The following MAP1B variants were observed in gnomAD, a reference collection of about 807,000 sequenced individuals.
The protein encoded by MAP1B is microtubule associated protein 1B, also known as microtubule-associated protein 1B.
Under a neutral mutation model 176.1 loss-of-function variants are expected in MAP1B, and 12 were observed. The observed-to-expected ratio is 0.07, with a 90% CI of 0.04 to 0.11. The LOEUF is 0.11. MAP1B is among the 10% of genes least tolerant of loss of function. MAP1B has a pLI of 1.00. For missense variants in MAP1B, 2,523 were observed against 2,990.5 expected, an observed-to-expected ratio of 0.84 and a Z score of 3.65; for synonymous variants, 1,044 against 1,135.0, an observed-to-expected ratio of 0.92 and a Z score of 1.61.
chr5:72,162,318 C>T (rs1243267681), intron 2 of MAP1B, among the ~76,000 whole-genome samples: 1 of 152,092 alleles, frequency 6.6e-6, no homozygotes, highest in Non-Finnish European at 1.5e-5. Context: ...AATTGAAAGA[C>T]CTTTTCATTC....
At chr5:72,136,962 C>T (rs543336518) in intron 2 of MAP1B, among the ~76,000 whole-genome samples, 3 of 152,156 alleles carry the variant, frequency 2.0e-5, no homozygotes, top group Non-Finnish European at 4.4e-5. Flanking sequence ...CAGGGAGATT[C>T]TGATTTCTGC....
At chr5:72,154,952 G>A (rs1025786687) in intron 2 of MAP1B, among the ~76,000 whole-genome samples, 1 of 152,134 alleles carries the variant, frequency 6.6e-6, no homozygotes, top group Non-Finnish European at 1.5e-5. Context: ...TCATTAGGGT[G>A]CCCCAGAAGC....
rs1747178918 is a variant in MAP1B, at chr5:72,196,684, C to T, written c.3329C>T (p.Pro1110Leu). 6.2e-7 allele frequency: 1 copy of T among 1,613,912 alleles called. No homozygotes were observed. The highest frequency in any genetic ancestry group is 1.7e-5 in the Admixed American group (1 of 59,994). The change falls in exon 5 of 7, where the codon CCT becomes CTT. Residue 1110 changes from proline (P) to leucine (L), a missense_variant. Pro to Leu is a moderately conservative substitution (Grantham distance 98). Coordinates refer to ENST00000296755, the MANE Select transcript of MAP1B (RefSeq NM_005909.5). This position sits in a 1 kb window ranked among gnomAD's most constrained non-coding sequence, Gnocchi z 5.3. ...GATGAGGAGAATCGAGAAGACCAGC[C>T]TGAGGAATTCACTGCCACCTCTGGC... ...ASDEENREDQ[P>L]EEFTATSGYT...
Position 72,207,010 on chromosome 5 carries a change from G to A in MAP1B, c.*1771G>A, listed in dbSNP as rs1005354154. ...AGAACCCTAGCACAAATTTGCTTTG[G>A]GATTTTCTTTTCTGGAAAAAAAAAA... On this transcript the variant is annotated 3_prime_UTR_variant, in exon 7 of 7. Coordinates refer to ENST00000296755, the MANE Select transcript of MAP1B (RefSeq NM_005909.5). The A allele has an allele frequency of 2.6e-5, 4 of 151,690 alleles. No homozygotes were observed. The highest frequency in any genetic ancestry group is 9.7e-5 in the African/African-American group (4 of 41,278). The allele number at this position is 151,690 out of a possible 1,614,324, so 9.4% of individuals were successfully genotyped here.
chr5:72,163,933 T>C (rs1402959860), intron 2 of MAP1B, among the ~76,000 whole-genome samples: 1 of 117,936 alleles, frequency 8.5e-6, no homozygotes, highest in African/African-American at 4.1e-5. Flanking sequence ...TTTTTTTCTT[T>C]TTTTTTTTTT....
chr5:72,112,634 C>T (rs1745363886), intron 1 of MAP1B, among the ~76,000 whole-genome samples: 1 of 152,164 alleles, frequency 6.6e-6, no homozygotes, highest in South Asian at 2.1e-4. Flanking sequence ...GCTCCCTGGT[C>T]CCAAGGAGCT....
At chr5:72,110,791 G>A (rs1423254311) in intron 1 of MAP1B, among the ~76,000 whole-genome samples, 1 of 152,210 alleles carries the variant, frequency 6.6e-6, no homozygotes, top group African/African-American at 2.4e-5. Context: ...TCCGATTACT[G>A]AGGGCTCTCT....
chr5:72,169,075 G>T (rs563388341), intron 2 of MAP1B, among the ~76,000 whole-genome samples: 1 of 152,166 alleles, frequency 6.6e-6, no homozygotes, highest in East Asian at 1.9e-4. Flanking sequence ...TGGTTTGGGG[G>T]CATACTGTGG....
chr5:72,119,941 A>C (rs1404735787), intron 2 of MAP1B, among the ~76,000 whole-genome samples: 1 of 152,190 alleles, frequency 6.6e-6, no homozygotes, highest in African/African-American at 2.4e-5. Flanking sequence ...GTCTGACCAC[A>C]AAAGCAAAGC....
chr5:72,162,810 G>T (rs1486123850), intron 2 of MAP1B, among the ~76,000 whole-genome samples: 3 of 152,178 alleles, frequency 2.0e-5, no homozygotes, highest in African/African-American at 7.2e-5. Context: ...ATTAATTCCA[G>T]CACAGTGAGT....
At position 72,196,564 on chromosome 5, in the gene MAP1B, A is replaced by G. The variant is rs1404692080; in HGVS notation, c.3209A>G (p.Lys1070Arg). 6.2e-7 allele frequency: 1 copy of G among 1,613,706 alleles called. No homozygotes were observed. Among genetic ancestry groups the G allele is most frequent in the Non-Finnish European group, 8.5e-7 (1 of 1,180,042 alleles). ...TATGGATTCCTCACCACACCAACCAAGCAACTAGGAGCCCAGTCTCCTGGC... is the reference window on the plus strand; with the variant it reads ...TATGGATTCCTCACCACACCAACCAGGCAACTAGGAGCCCAGTCTCCTGGC... ...EQYGFLTTPT[K>R]QLGAQSPGRE... Residue 1070 changes from lysine to arginine, a missense_variant, in exon 5 of 7, where the codon AAG (lysine) becomes AGG (arginine). Coordinates refer to ENST00000296755, the MANE Select transcript of MAP1B (RefSeq NM_005909.5). The surrounding 1 kb of genome is among the most constrained non-coding windows in gnomAD (Gnocchi z 5.3).
Position 72,197,845 on chromosome 5 carries a change from TAGG to T in MAP1B, c.4493_4495del (p.Gly1498del), listed in dbSNP as rs747859411. The T allele has an allele frequency of 3.1e-6, 5 of 1,614,088 alleles. No individual in the cohort carries two copies. Among genetic ancestry groups the T allele is most frequent in the Admixed American group, 1.7e-5 (1 of 60,004 alleles). ...GCACTGGCTCTGGATGAAAGGAAAT[TAGG>T]AGATGTTTCTCCCACACAAATAGAT... On this transcript the variant is annotated inframe_deletion, in exon 5 of 7. Coordinates refer to ENST00000296755, the MANE Select transcript of MAP1B (RefSeq NM_005909.5).
At chr5:72,145,959 G>A (rs1270609011) in intron 2 of MAP1B, among the ~76,000 whole-genome samples, 3 of 152,198 alleles carry the variant, frequency 2.0e-5, no homozygotes, top group Admixed American at 1.3e-4. Context: ...AATTTGAGAG[G>A]AATCCCCCCA....
intron 2 of MAP1B, among the ~76,000 whole-genome samples, chr5:72,145,331 T>G (rs968906582): frequency 6.6e-5 from 10 of 152,008 alleles, no homozygotes; most frequent in Admixed American, 1.3e-4. Context: ...AGAATGATAT[T>G]AAGCACAGAA....
At position 72,207,146 on chromosome 5, in the gene MAP1B, A is replaced by G. The variant is rs1747470361; in HGVS notation, c.*1907A>G. On this transcript the variant is annotated 3_prime_UTR_variant, in exon 7 of 7. Transcript: ENST00000296755. ...CATTGAACTGTGAACCTGGGAAGCCAGATCATGATTAACACTGACATCAAG... is the reference window on the plus strand; with the variant it reads ...CATTGAACTGTGAACCTGGGAAGCCGGATCATGATTAACACTGACATCAAG... The G allele has an allele frequency of 1.3e-5, 2 of 152,348 alleles. No individual in the cohort carries two copies. The highest frequency in any genetic ancestry group is 4.1e-4 in the South Asian group (2 of 4,828). The allele number at this position is 152,348 out of a possible 1,614,324, so 9.4% of individuals were successfully genotyped here.
chr5:72,108,855 G>A (rs999818102), intron 1 of MAP1B, among the ~76,000 whole-genome samples: 1 of 152,176 alleles, frequency 6.6e-6, no homozygotes, highest in Non-Finnish European at 1.5e-5. Flanking sequence ...TATCCCTGGC[G>A]TCCCGGCCCT....
At chr5:72,117,500 T>TAC (rs1745456098) in intron 2 of MAP1B, among the ~76,000 whole-genome samples, 1 of 152,194 alleles carries the variant, frequency 6.6e-6, no homozygotes, top group Non-Finnish European at 1.5e-5. Flanking sequence ...GCATATTGCA[T>TAC]AATGAAAGGC....
chr5:72,155,715 G>A (rs1210683309), intron 2 of MAP1B, among the ~76,000 whole-genome samples: 2 of 150,506 alleles, frequency 1.3e-5, no homozygotes, highest in African/African-American at 4.9e-5. Context: ...TAGCCTTTCT[G>A]TAGAAAATCT....
intron 2 of MAP1B, among the ~76,000 whole-genome samples, chr5:72,165,482 T>G (rs1580003416): frequency 6.6e-6 from 1 of 152,308 alleles, no homozygotes; most frequent in Non-Finnish European, 1.5e-5. Context: ...ATAGAGATGT[T>G]ACTTAGGGGA....
Sources: gnomAD v4.1 joint callset for allele counts (sites outside exome capture counted in the v4.1 genomes callset) on GRCh38, gnomAD v4.1.1 for gene constraint, Gnocchi (gnomAD v3.1) non-coding constraint, MANE v1.5 for transcripts, NCBI Gene and HGNC (gene_info 2026-07-23, HGNC 2026-07-21) for gene names.